GTF2A1L: variants seen among roughly 807,000 people sequenced by gnomAD.
The protein encoded by GTF2A1L is TFIIA-alpha and beta-like factor.
GTF2A1L carries 48 observed loss-of-function variants against 49.7 expected under a neutral mutation model. That is an observed-to-expected ratio of 0.97 (90% CI 0.77 to 1.23). The LOEUF (loss-of-function observed/expected upper bound fraction) is 1.23. Among genes scored for constraint, GTF2A1L ranks in the 50% most tolerant of loss-of-function variants. The probability of loss-of-function intolerance (pLI) is 0.00; values close to 1 mark genes in which losing one functional copy is unlikely to be tolerated. For synonymous variants in GTF2A1L, 246 were observed against 193.5 expected, an observed-to-expected ratio of 1.27 and a Z score of -2.25; for missense variants, 736 against 564.8, an observed-to-expected ratio of 1.30 and a Z score of -3.07.
At chr2:48,652,916 G>C (rs1205969096) in intron 6 of GTF2A1L, among the ~76,000 whole-genome samples, 1 of 151,262 alleles carries the variant, frequency 6.6e-6, no homozygotes, top group Non-Finnish European at 1.5e-5. Context: ...GGCTGGACTC[G>C]AACTAATTGA....
At chr2:48,634,672 A>G (rs1249094656) in intron 3 of GTF2A1L, among the ~76,000 whole-genome samples, 2 of 152,208 alleles carry the variant, frequency 1.3e-5, no homozygotes, top group Non-Finnish European at 1.5e-5. Flanking sequence ...TTGGCAGGGT[A>G]TGAAATTCTT....
At position 48,646,967 on chromosome 2, in the gene GTF2A1L, T is replaced by A; in HGVS notation, c.903T>A (p.Asn301Lys). The A allele has an allele frequency of 6.2e-7, 1 of 1,614,134 alleles. No homozygotes were observed. Among genetic ancestry groups the A allele is most frequent in the Non-Finnish European group, 8.5e-7 (1 of 1,180,022 alleles). Residue 301 changes from asparagine to lysine, a missense_variant, in exon 6 of 9, where the codon AAT (asparagine) becomes AAA (lysine). By Grantham distance (94) the Asn-to-Lys change is moderately conservative. Coordinates refer to ENST00000403751, the MANE Select transcript of GTF2A1L (RefSeq NM_006872.5). ...ATATTCAGCTTCATATTCTTAAAAATAGGATGTATGGATGTGATTCTGTAA... is the reference window on the plus strand; with the variant it reads ...ATATTCAGCTTCATATTCTTAAAAAAAGGATGTATGGATGTGATTCTGTAA... ...VTDIQLHILKNRMYGCDSVKQ... is the reference protein window; with the variant it reads ...VTDIQLHILKKRMYGCDSVKQ...
At chr2:48,637,948 A>G (rs531657714) in intron 3 of GTF2A1L, among the ~76,000 whole-genome samples, 1 of 152,294 alleles carries the variant, frequency 6.6e-6, no homozygotes, top group South Asian at 2.1e-4. Context: ...ATTGTGAACA[A>G]CACCTCTATG....
chr2:48,642,080 T>G (rs533779729), intron 3 of GTF2A1L, among the ~76,000 whole-genome samples: 23 of 152,326 alleles, frequency 1.5e-4, no homozygotes, highest in African/African-American at 5.5e-4. Context: ...AATGTGCCAC[T>G]TTAATAAATA....
chr2:48,624,079 A>C lies in GTF2A1L; in HGVS notation c.247+2789A>C, dbSNP rs1235158188. ...AACCCAGAAACTTGTTTGCTCTATCATATGTTCTTCGTTTTTTATTTGTGT... is the reference window on the plus strand; with the variant it reads ...AACCCAGAAACTTGTTTGCTCTATCCTATGTTCTTCGTTTTTTATTTGTGT... On this transcript the variant is annotated intron_variant, in intron 3 of 8. Transcript: ENST00000403751. Among the ~76,000 whole-genome samples, 6 of 145,832 alleles carry C rather than the reference A, an allele frequency of 4.1e-5. 1 individual carries two copies. Among genetic ancestry groups the C allele is most frequent in the African/African-American group, 1.5e-4 (6 of 40,952 alleles).
At chr2:48,679,199 AAACT>A in intron 8 of GTF2A1L, 132 bp from the exon 9 acceptor site, 1 of 1,149,576 alleles carries the variant, frequency 8.7e-7, no homozygotes, top group South Asian at 1.7e-5. Flanking sequence ...TGGAATAAAC[AAACT>A]ATCTTGAGGA....
intron 3 of GTF2A1L, among the ~76,000 whole-genome samples, chr2:48,624,593 C>G (rs1269516023): frequency 2.1e-5 from 3 of 143,896 alleles, no homozygotes; most frequent in Non-Finnish European, 4.7e-5. Flanking sequence ...TAGCAAAAAT[C>G]CCAAGTGCAG....
intron 6 of GTF2A1L, among the ~76,000 whole-genome samples, chr2:48,653,220 CAA>C (rs568400398): frequency 0.27 from 23,283 of 87,466 alleles, 1,278 homozygotes; most frequent in South Asian, 0.32. Flanking sequence ...GACTCTGTCT[CAA>C]AAAAAAAAAA....
At chr2:48,621,815 C>G (rs377626143) in intron 3 of GTF2A1L, among the ~76,000 whole-genome samples, 1 of 152,192 alleles carries the variant, frequency 6.6e-6, no homozygotes, top group South Asian at 2.1e-4. Context: ...TATTCTTGGA[C>G]TTAGCAAATC....
chr2:48,637,041 A>C (rs75250603), intron 3 of GTF2A1L, among the ~76,000 whole-genome samples: 1 of 152,136 alleles, frequency 6.6e-6, no homozygotes, highest in African/African-American at 2.4e-5. Flanking sequence ...TGTATGTCCG[A>C]TTGTTCTTGA....
intron 3 of GTF2A1L, among the ~76,000 whole-genome samples, chr2:48,638,026 C>G (rs571256694): frequency 6.6e-6 from 1 of 152,116 alleles, no homozygotes; most frequent in Non-Finnish European, 1.5e-5. Flanking sequence ...CAAGACTTAA[C>G]GAGGAAGAAA....
chr2:48,653,969 G>T (rs554109156), intron 6 of GTF2A1L, among the ~76,000 whole-genome samples: 2 of 147,602 alleles, frequency 1.4e-5, no homozygotes, highest in African/African-American at 5.0e-5. Context: ...ACATTTATAT[G>T]TAGATTTTAT....
At position 48,642,435 on chromosome 2, in the gene GTF2A1L, C is replaced by T; in HGVS notation, c.281C>T (p.Pro94Leu). ...SLVIPAGRTL[P>L]SFTTAELGTS... Reference sequence around the variant, plus strand: ...GTTATTCCTGCTGGTAGAACTCTTCCAAGTTTTACCACAGCAGAACTGGTA... The same window carrying T: ...GTTATTCCTGCTGGTAGAACTCTTCTAAGTTTTACCACAGCAGAACTGGTA... Residue 94 changes from proline (P) to leucine (L), a missense_variant, in exon 4 of 9, where the codon CCA becomes CTA. Transcript: ENST00000403751. 6.3e-7 allele frequency: 1 copy of T among 1,592,312 alleles called. No homozygotes were observed. The highest frequency in any genetic ancestry group is 1.2e-5 in the South Asian group (1 of 86,566).
chr2:48,638,161 G>T (rs1211240916), intron 3 of GTF2A1L, among the ~76,000 whole-genome samples: 1 of 152,128 alleles, frequency 6.6e-6, no homozygotes, highest in Non-Finnish European at 1.5e-5. Flanking sequence ...ACGAAGAAGA[G>T]CTGCTACTAT....
At chr2:48,622,917 A>G (rs923224726) in intron 3 of GTF2A1L, among the ~76,000 whole-genome samples, 1 of 101,276 alleles carries the variant, frequency 9.9e-6, no homozygotes, top group African/African-American at 4.0e-5. Context: ...GCAAGATGGT[A>G]ATATTACCAG....
intron 4 of GTF2A1L, among the ~76,000 whole-genome samples, chr2:48,644,458 A>G (rs1677380834): frequency 6.6e-6 from 1 of 152,206 alleles, no homozygotes; most frequent in Non-Finnish European, 1.5e-5. Context: ...GAACATTTAA[A>G]TTATTTCCAG....
At chr2:48,634,714 A>AAAT (rs1295479133) in intron 3 of GTF2A1L, among the ~76,000 whole-genome samples, 2 of 152,216 alleles carry the variant, frequency 1.3e-5, no homozygotes, top group Non-Finnish European at 2.9e-5. Context: ...AGAATACTGA[A>AAAT]AATAGGCCCC....
chr2:48,658,516 G>A (rs1258500187), intron 6 of GTF2A1L, among the ~76,000 whole-genome samples: 2 of 151,990 alleles, frequency 1.3e-5, no homozygotes, highest in Non-Finnish European at 2.9e-5. Flanking sequence ...CTTATAATAT[G>A]GGTTGAAGTT....
At chr2:48,674,627 T>TA (rs929677454) in intron 8 of GTF2A1L, among the ~76,000 whole-genome samples, 1 of 152,070 alleles carries the variant, frequency 6.6e-6, no homozygotes, top group Non-Finnish European at 1.5e-5. Flanking sequence ...TTGCCTTCTA[T>TA]AAAAAAACAT....
Sources: gnomAD v4.1 joint callset for allele counts (sites outside exome capture counted in the v4.1 genomes callset) on GRCh38, gnomAD v4.1.1 for gene constraint, MANE v1.5 for transcripts, NCBI Gene and HGNC (gene_info 2026-07-23, HGNC 2026-07-21) for gene names.